Variants in MEGF11 observed in about 807,000 individuals in gnomAD.
MEGF11 encodes the protein multiple epidermal growth factor-like domains protein 11.
MEGF11 carries 126 observed loss-of-function variants against 146.6 expected under a neutral mutation model. The ratio of observed to expected loss-of-function variants is 0.86; its 90% confidence interval spans 0.74 to 1.00. MEGF11 has a LOEUF of 1.00. Ranked by LOEUF, MEGF11 falls within the 50% of genes least tolerant of loss-of-function variation. MEGF11 has a pLI of 0.00. For missense variants in MEGF11, 1,509 were observed against 1,521.2 expected, an observed-to-expected ratio of 0.99 and a Z score of 0.13; for synonymous variants, 532 against 583.4, an observed-to-expected ratio of 0.91 and a Z score of 1.27.
chr15:66,078,973 G>A (rs1444344802), intron 5 of MEGF11, among the ~76,000 whole-genome samples: 5 of 152,186 alleles, frequency 3.3e-5, no homozygotes, highest in Non-Finnish European at 7.4e-5. Context: ...AGGCTATCCC[G>A]TTTCTGGCTT....
At chr15:66,202,528 C>T (rs566238799) in intron 1 of MEGF11, among the ~76,000 whole-genome samples, 48 of 152,290 alleles carry the variant, frequency 3.2e-4, no homozygotes, top group Admixed American at 2.0e-3. Context: ...CTTCAGTCTC[C>T]GTGACCCCTA....
intron 1 of MEGF11, among the ~76,000 whole-genome samples, chr15:66,147,579 T>C (rs2089420288): frequency 6.6e-6 from 1 of 152,184 alleles, no homozygotes; most frequent in Non-Finnish European, 1.5e-5. Context: ...GAGGCAGATG[T>C]GCTAACCAGG....
intron 4 of MEGF11, among the ~76,000 whole-genome samples, chr15:66,118,278 A>G (rs2087832687): frequency 6.6e-6 from 1 of 151,720 alleles, no homozygotes; most frequent in South Asian, 2.1e-4. Context: ...CAGGGACCCT[A>G]CGATCATCCT....
chr15:66,140,459 T>A (rs1172781150), intron 1 of MEGF11, among the ~76,000 whole-genome samples: 1 of 152,156 alleles, frequency 6.6e-6, no homozygotes, highest in Non-Finnish European at 1.5e-5. Flanking sequence ...TTCTGTTCCC[T>A]CCTCAGGCAG....
At chr15:66,035,184 G>A (rs145465274) in intron 5 of MEGF11, among the ~76,000 whole-genome samples, 78 of 152,262 alleles carry the variant, frequency 5.1e-4, no homozygotes, top group South Asian at 2.7e-3. Context: ...GCAAAGTACC[G>A]GACACAGAGT....
intron 8 of MEGF11, among the ~76,000 whole-genome samples, chr15:65,965,600 C>CTTTTTTTTTTTTTTTTT (rs767520450): frequency 1.6e-4 from 3 of 18,888 alleles, no homozygotes; most frequent in Admixed American, 7.8e-4. Context: ...TTCTTTCTTT[C>CTTTTTTTTTTTTTTTTT]TTTTTTTTTT....
At chr15:66,243,550 G>A (rs1172953529) in intron 1 of MEGF11, among the ~76,000 whole-genome samples, 1 of 152,202 alleles carries the variant, frequency 6.6e-6, no homozygotes, top group Non-Finnish European at 1.5e-5. Flanking sequence ...AAGTGAGCTG[G>A]AAGAGTTGTG....
chr15:66,094,164 C>T (rs2086436710), intron 5 of MEGF11, among the ~76,000 whole-genome samples: 1 of 152,126 alleles, frequency 6.6e-6, no homozygotes, highest in Non-Finnish European at 1.5e-5. Flanking sequence ...CAGATGATCC[C>T]ACAATTCCCT....
In MEGF11 at chr15:66,086,074, A is replaced by T. The variant is rs577446891; in HGVS notation, c.394+8328T>A. On this transcript the variant is annotated intron_variant, in intron 5 of 25. Transcript: ENST00000395614. ...GTAGAAGAAAGAAATTCAGAGCTCG[A>T]AGACAAGGTCTTTGAATTAACCCAA... Among the ~76,000 whole-genome samples the T allele has an allele frequency of 6.6e-5, 10 of 152,312 alleles. No individual in the cohort carries two copies. In the South Asian group the frequency reaches 2.1e-3, roughly 32 times the overall value.
intron 8 of MEGF11, among the ~76,000 whole-genome samples, chr15:65,965,603 T>TCTTGC: frequency 1.4e-5 from 1 of 72,162 alleles, no homozygotes; most frequent in Non-Finnish European, 3.1e-5. Context: ...TTTCTTTCTT[T>TCTTGC]TTTTTTTTTC....
chr15:66,109,589 G>A (rs2087279885), intron 4 of MEGF11, among the ~76,000 whole-genome samples: 1 of 152,180 alleles, frequency 6.6e-6, no homozygotes, highest in Admixed American at 6.5e-5. Context: ...GTATGGAGAG[G>A]CAAAACAACG....
intron 1 of MEGF11, among the ~76,000 whole-genome samples, chr15:66,225,973 T>G (rs1356055919): frequency 6.6e-6 from 1 of 152,238 alleles, no homozygotes; most frequent in Non-Finnish European, 1.5e-5. Flanking sequence ...TCCACAGTTT[T>G]GCTTTCTGCA....
chr15:66,144,226 A>G (rs1401006786), intron 1 of MEGF11, among the ~76,000 whole-genome samples: 2 of 152,196 alleles, frequency 1.3e-5, no homozygotes, highest in African/African-American at 4.8e-5. Flanking sequence ...GGAGGGGTCA[A>G]CTAGGTGTGG....
chr15:66,206,161 C>G (rs866223962), intron 1 of MEGF11, among the ~76,000 whole-genome samples: 7 of 152,068 alleles, frequency 4.6e-5, no homozygotes, highest in Non-Finnish European at 1.0e-4. Context: ...GTGGACTCAG[C>G]AGCTGAATAG....
intron 1 of MEGF11, among the ~76,000 whole-genome samples, chr15:66,130,340 T>C (rs1164710138): frequency 6.6e-6 from 1 of 152,150 alleles, no homozygotes; most frequent in Non-Finnish European, 1.5e-5. Context: ...ATGCCAGCTG[T>C]AGGGGATGCC....
chr15:65,920,408 G>C (rs918708399), intron 15 of MEGF11, among the ~76,000 whole-genome samples: 1 of 152,166 alleles, frequency 6.6e-6, no homozygotes, highest in Admixed American at 6.5e-5. Context: ...TGCTTGATTT[G>C]GGGAACCCAT....
chr15:66,214,024 C>T (rs1309810245), intron 1 of MEGF11, among the ~76,000 whole-genome samples: 2 of 141,224 alleles, frequency 1.4e-5, no homozygotes, highest in African/African-American at 5.3e-5. Context: ...CAAAATGAGC[C>T]GGCCACTTTT....
chr15:66,193,999 G>A (rs1386940165), intron 1 of MEGF11, among the ~76,000 whole-genome samples: 4 of 152,072 alleles, frequency 2.6e-5, no homozygotes, highest in Admixed American at 6.5e-5. Flanking sequence ...CCATTACTAC[G>A]TATCTATCCA....
At chr15:66,184,463 A>T (rs930510245) in intron 1 of MEGF11, among the ~76,000 whole-genome samples, 13 of 151,572 alleles carry the variant, frequency 8.6e-5, no homozygotes. Flanking sequence ...TTCCCCATCC[A>T]TTCTCCACAA....
Sources: allele counts gnomAD v4.1 joint callset (sites outside exome capture counted in the v4.1 genomes callset), GRCh38; gene constraint gnomAD v4.1.1; transcripts MANE v1.5; gene names NCBI Gene and HGNC (gene_info 2026-07-23, HGNC 2026-07-21).